Variants in DENND1B observed in about 807,000 individuals in gnomAD.
DENND1B encodes the protein DENN domain containing 1B, also known as DENN domain-containing protein 1B.
Under a neutral mutation model 90.1 loss-of-function variants are expected in DENND1B, and 59 were observed. The ratio of observed to expected loss-of-function variants is 0.65; its 90% confidence interval spans 0.53 to 0.81. The LOEUF is 0.81. Among genes scored for constraint, DENND1B ranks in the 40% least tolerant of loss-of-function variants. The probability of loss-of-function intolerance (pLI) is 0.00; values close to 1 mark genes in which losing one functional copy is unlikely to be tolerated. For synonymous variants in DENND1B, 337 were observed against 324.6 expected (o/e 1.04, Z -0.41); for missense variants, 862 against 912.6 (o/e 0.94, Z 0.71).
chr1:197,746,502 TCTATC>T (rs1663769344), intron 2 of DENND1B, among the ~76,000 whole-genome samples: 1 of 152,088 alleles, frequency 6.6e-6, no homozygotes, highest in Non-Finnish European at 1.5e-5. Context: ...TAAACAAAAT[TCTATC>T]CTATTTTTCT....
chr1:197,546,095 C>A, intron 17 of DENND1B, 105 bp from the exon 18 acceptor site: 2 of 802,660 alleles, frequency 2.5e-6, no homozygotes, highest in South Asian at 2.0e-5. Flanking sequence ...GCTTTACTCA[C>A]AACTTAAAGA....
chr1:197,704,364 T>C (rs1487637915), intron 3 of DENND1B, among the ~76,000 whole-genome samples: 1 of 152,198 alleles, frequency 6.6e-6, no homozygotes, highest in Non-Finnish European at 1.5e-5. Flanking sequence ...CCTTCTTACT[T>C]TTCACTGAAC....
intron 13 of DENND1B, among the ~76,000 whole-genome samples, chr1:197,599,552 T>C (rs956470293): frequency 4.0e-5 from 6 of 151,838 alleles, no homozygotes; most frequent in African/African-American, 1.4e-4. Flanking sequence ...CAAATAATCA[T>C]CTGTAGAACA....
At chr1:197,682,201 CATATTATTAATTATTT>C (rs1315536257) in intron 3 of DENND1B, among the ~76,000 whole-genome samples, 1 of 151,794 alleles carries the variant, frequency 6.6e-6, no homozygotes, top group Non-Finnish European at 1.5e-5. Flanking sequence ...GCGTCAGTGG[CATATTATTAATTATTT>C]ATTTAAGCCT....
At chr1:197,675,563 C>T (rs1655974761) in intron 3 of DENND1B, among the ~76,000 whole-genome samples, 1 of 152,018 alleles carries the variant, frequency 6.6e-6, no homozygotes. Flanking sequence ...TCACCACTGA[C>T]AATATTTTGT....
chr1:197,592,790 C>G lies in DENND1B; in HGVS notation c.1047+2418G>C, dbSNP rs1675352348. On this transcript the variant is annotated intron_variant, in intron 14 of 22. Coordinates refer to ENST00000620048, the MANE Select transcript of DENND1B (RefSeq NM_001195215.2). ...GAGACTGATCTGTCATTGGTCTAAC[C>G]TACAGGTTTAGTTTTGTTAAAACTA... 3.3e-5 allele frequency among the ~76,000 whole-genome samples: 5 copies of G among 152,088 alleles called. No individual in the cohort carries two copies. The South Asian group carries it at 1.0e-3, about 32-fold the overall frequency.
intron 2 of DENND1B, among the ~76,000 whole-genome samples, chr1:197,759,390 A>G (rs1027714662): frequency 2.6e-5 from 4 of 151,290 alleles, no homozygotes; most frequent in Non-Finnish European, 5.9e-5. Context: ...AAAACATTTT[A>G]AAGTAACATA....
At chr1:197,752,974 T>C (rs1440637498) in intron 2 of DENND1B, among the ~76,000 whole-genome samples, 1 of 152,032 alleles carries the variant, frequency 6.6e-6, no homozygotes, top group Non-Finnish European at 1.5e-5. Flanking sequence ...TCATCCTTTT[T>C]TATGGCTGTG....
chr1:197,638,542 A>G (rs1309158825), intron 10 of DENND1B, among the ~76,000 whole-genome samples: 1 of 152,180 alleles, frequency 6.6e-6, no homozygotes, highest in Non-Finnish European at 1.5e-5. Context: ...GGTGAGGTAC[A>G]ATTATAGAGG....
At chr1:197,696,241 A>G (rs1658422755) in intron 3 of DENND1B, among the ~76,000 whole-genome samples, 1 of 151,562 alleles carries the variant, frequency 6.6e-6, no homozygotes, top group African/African-American at 2.4e-5. Flanking sequence ...TGTATAATAC[A>G]TAATTTTTAC....
chr1:197,721,582 G>A (rs1212712461), intron 2 of DENND1B, among the ~76,000 whole-genome samples: 1 of 151,930 alleles, frequency 6.6e-6, no homozygotes, highest in Non-Finnish European at 1.5e-5. Flanking sequence ...AAGTGGGCAG[G>A]GGAGAACATT....
intron 13 of DENND1B, among the ~76,000 whole-genome samples, chr1:197,602,120 C>T (rs1000326510): frequency 2.0e-5 from 3 of 151,502 alleles, no homozygotes; most frequent in Non-Finnish European, 3.0e-5. Flanking sequence ...TTTATATATA[C>T]GTCCAGGTTT....
chr1:197,577,255 T>C (rs1198774895), intron 15 of DENND1B, among the ~76,000 whole-genome samples: 5 of 152,132 alleles, frequency 3.3e-5, no homozygotes, highest in Non-Finnish European at 7.3e-5. Flanking sequence ...ACCTAAGGGT[T>C]GACATTCAAA....
rs761817261 is a variant in DENND1B at position 197,658,282 on chromosome 1, G to A, written c.366+18C>T. ...AAGTATTTTACCACAATTTAAAAATGGGGAAAAAATAGCTTACCAGTTCCT... is the reference window on the plus strand; with the variant it reads ...AAGTATTTTACCACAATTTAAAAATAGGGAAAAAATAGCTTACCAGTTCCT... On this transcript the variant is annotated intron_variant, in intron 6 of 22. Transcript: ENST00000620048. 6.3e-7 allele frequency: 1 copy of A among 1,585,016 alleles called. No homozygotes were observed.
chr1:197,604,639 ACCC>A lies in DENND1B; in HGVS notation c.921+2431_921+2433del, dbSNP rs113590886. Among the ~76,000 whole-genome samples, 9 of 150,226 alleles carry A rather than the reference ACCC, an allele frequency of 6.0e-5. No homozygotes were observed. The South Asian group carries it at 1.1e-3, about 18-fold the overall frequency. On this transcript the variant is annotated intron_variant, in intron 13 of 22. Transcript: ENST00000620048. The stretch of plus-strand genomic sequence containing the variant: ...TGCTTTGGTGAAGGATTTTAAAAGG[ACCC>A]CCCCCAATTAAATCTCAGTTAACCT...
intron 2 of DENND1B, among the ~76,000 whole-genome samples, chr1:197,730,562 A>C (rs1420492735): frequency 6.6e-6 from 1 of 152,116 alleles, no homozygotes; most frequent in Non-Finnish European, 1.5e-5. Context: ...TTATCTCTGT[A>C]TTATGACATG....
chr1:197,675,955 G>A (rs1370499700), intron 3 of DENND1B, among the ~76,000 whole-genome samples: 2 of 151,012 alleles, frequency 1.3e-5, no homozygotes, highest in South Asian at 4.2e-4. Context: ...ATACACTTCT[G>A]TGAAACAGCC....
chr1:197,544,824 A>G (rs1670614100), intron 18 of DENND1B, among the ~76,000 whole-genome samples: 1 of 149,180 alleles, frequency 6.7e-6, no homozygotes, highest in Non-Finnish European at 1.5e-5. Flanking sequence ...GAAGAGGAGG[A>G]AGAAGAGGAA....
chr1:197,637,134 A>G (rs571216701), intron 10 of DENND1B, among the ~76,000 whole-genome samples: 12 of 152,084 alleles, frequency 7.9e-5, no homozygotes, highest in Non-Finnish European at 1.8e-4. Flanking sequence ...CACATACATT[A>G]TTTTCTTTTA....
Sources: gnomAD v4.1 joint callset for allele counts (sites outside exome capture counted in the v4.1 genomes callset) on GRCh38, gnomAD v4.1.1 for gene constraint, MANE v1.5 for transcripts, NCBI Gene and HGNC (gene_info 2026-07-23, HGNC 2026-07-21) for gene names.